Variants in PAX5 observed in about 807,000 individuals in gnomAD.
PAX5 encodes the protein paired box protein Pax-5.
In PAX5, 9 loss-of-function variants were observed where a neutral mutation model predicts 43.7. That is an observed-to-expected ratio of 0.21 (90% CI 0.12 to 0.36). PAX5 has a LOEUF of 0.36. PAX5 is among the 10% of genes least tolerant of loss of function. The probability of loss-of-function intolerance (pLI) is 1.00; values close to 1 mark genes in which losing one functional copy is unlikely to be tolerated. For synonymous variants in PAX5, 228 were observed against 214.3 expected, an observed-to-expected ratio of 1.06 and a Z score of -0.56; for missense variants, 383 against 532.7, an observed-to-expected ratio of 0.72 and a Z score of 2.77.
At chr9:36,864,647 C>T (rs1824649728) in intron 8 of PAX5, among the ~76,000 whole-genome samples, 1 of 152,228 alleles carries the variant, frequency 6.6e-6, no homozygotes, top group Admixed American at 6.5e-5. Flanking sequence ...GCCAGCCTCC[C>T]CCCTCAGCCC....
chr9:36,921,067 C>G (rs1830136409), intron 7 of PAX5, among the ~76,000 whole-genome samples: 1 of 152,142 alleles, frequency 6.6e-6, no homozygotes, highest in Admixed American at 6.5e-5. Context: ...CCCGCCTCGG[C>G]CTCCCAAAGT....
chr9:36,996,193 G>A (rs1180869133), intron 5 of PAX5, among the ~76,000 whole-genome samples: 7 of 152,374 alleles, frequency 4.6e-5, no homozygotes, highest in Non-Finnish European at 7.3e-5. Flanking sequence ...CTGCCATGAC[G>A]GGCCTCACGT....
chr9:36,987,537 C>G (rs189816727), intron 5 of PAX5, among the ~76,000 whole-genome samples: 1 of 152,364 alleles, frequency 6.6e-6, no homozygotes, highest in East Asian at 1.9e-4. Context: ...CGAGGCCCAG[C>G]ATGGGTTGCC....
intron 7 of PAX5, among the ~76,000 whole-genome samples, chr9:36,901,509 G>A (rs1333785742): frequency 6.6e-6 from 1 of 152,124 alleles, no homozygotes; most frequent in African/African-American, 2.4e-5. Flanking sequence ...AGAAACCCAC[G>A]TGCATGATTT....
intron 1 of PAX5, among the ~76,000 whole-genome samples, chr9:37,029,444 G>A (rs1251548528): frequency 6.6e-6 from 1 of 152,222 alleles, no homozygotes; most frequent in African/African-American, 2.4e-5. Flanking sequence ...TGGGGACCCA[G>A]GAGGCTGCAG....
intron 8 of PAX5, among the ~76,000 whole-genome samples, chr9:36,877,422 C>G (rs546428471): frequency 6.6e-6 from 1 of 152,104 alleles, no homozygotes; most frequent in East Asian, 1.9e-4. Flanking sequence ...AAAAACACCC[C>G]GAAGATTTTG....
At chr9:37,023,057 A>T (rs1839991351) in intron 1 of PAX5, among the ~76,000 whole-genome samples, 1 of 152,192 alleles carries the variant, frequency 6.6e-6, no homozygotes, top group East Asian at 1.9e-4. Context: ...GCGAGGCAGG[A>T]CAGGGAAAGA....
rs764438576 is a variant in PAX5 at position 37,020,619 on chromosome 9, C to T, written c.212+17G>A. On this transcript the variant is annotated intron_variant, in intron 2 of 9. Coordinates refer to ENST00000358127, the MANE Select transcript of PAX5 (RefSeq NM_016734.3). The stretch of plus-strand genomic sequence containing the variant: ...TTATTTGAAAGATCAAGGGAAGCCT[C>T]GAGCTACTGCCTTTACCTGCCAAGA... The T allele has an allele frequency of 9.3e-6, 15 of 1,613,434 alleles. No individual in the cohort carries two copies. The African/African-American group carries it at 9.3e-5, about 10-fold the overall frequency.
intron 5 of PAX5, among the ~76,000 whole-genome samples, chr9:36,986,489 C>T (rs1210608641): frequency 6.6e-6 from 1 of 152,082 alleles, no homozygotes; most frequent in Non-Finnish European, 1.5e-5. Flanking sequence ...CCGGCGCGAG[C>T]GGGCGGCCTC....
chr9:36,890,071 A>G (rs1827248506), intron 7 of PAX5, among the ~76,000 whole-genome samples: 1 of 152,070 alleles, frequency 6.6e-6, no homozygotes, highest in African/African-American at 2.4e-5. Flanking sequence ...TCCCAGACAC[A>G]TGACACAGAA....
At chr9:36,897,349 A>C (rs1013045801) in intron 7 of PAX5, among the ~76,000 whole-genome samples, 2 of 152,026 alleles carry the variant, frequency 1.3e-5, no homozygotes, top group Admixed American at 6.6e-5. Flanking sequence ...AGTTTGGGGG[A>C]GGGGTCGATC....
chr9:36,848,918 T>C (rs1459071266), intron 8 of PAX5, among the ~76,000 whole-genome samples: 1 of 152,204 alleles, frequency 6.6e-6, no homozygotes, highest in African/African-American at 2.4e-5. Flanking sequence ...CAGCTCCCAA[T>C]TCCTTCATAG....
At chr9:36,935,746 G>A (rs1038318366) in intron 6 of PAX5, among the ~76,000 whole-genome samples, 2 of 152,310 alleles carry the variant, frequency 1.3e-5, no homozygotes, top group Admixed American at 6.5e-5. Flanking sequence ...TCCACCAAAT[G>A]GGTATCTCCA....
chr9:37,005,434 C>G (rs1039454913), intron 4 of PAX5, among the ~76,000 whole-genome samples: 1 of 152,164 alleles, frequency 6.6e-6, no homozygotes, highest in African/African-American at 2.4e-5. Context: ...TACCTTTATC[C>G]AAAGAGCCAA....
chr9:37,010,363 C>T (rs1838819320), intron 3 of PAX5, among the ~76,000 whole-genome samples: 1 of 152,214 alleles, frequency 6.6e-6, no homozygotes, highest in South Asian at 2.1e-4. Flanking sequence ...GCTCAAATGA[C>T]TTGCCCAGAA....
At chr9:36,840,832 G>A (rs140342734) in intron 9 of PAX5, among the ~76,000 whole-genome samples, 196 bp from the exon 10 acceptor site, 10 of 152,212 alleles carry the variant, frequency 6.6e-5, no homozygotes, top group African/African-American at 1.2e-4. Context: ...GAGGCTCTTC[G>A]CCATCTAGAG....
intron 1 of PAX5, among the ~76,000 whole-genome samples, chr9:37,032,139 C>T (rs1330023295): frequency 6.6e-6 from 1 of 152,192 alleles, no homozygotes; most frequent in Non-Finnish European, 1.5e-5. Context: ...CTTGGCCAGC[C>T]TAGGGCTCCC....
chr9:37,026,403 A>AC (rs1261746722), intron 1 of PAX5: 2 of 795,298 alleles, frequency 2.5e-6, no homozygotes. Context: ...GGATCCCTGC[A>AC]CTTTGCAAAG....
intron 3 of PAX5, among the ~76,000 whole-genome samples, chr9:37,014,305 C>T (rs1039870204): frequency 2.6e-5 from 4 of 152,190 alleles, no homozygotes; most frequent in Non-Finnish European, 5.9e-5. Context: ...GGGTGTTTCT[C>T]TGGTTCTTTC....
Sources: allele counts gnomAD v4.1 joint callset (sites outside exome capture counted in the v4.1 genomes callset), GRCh38; gene constraint gnomAD v4.1.1; transcripts MANE v1.5; gene names NCBI Gene and HGNC (gene_info 2026-07-23, HGNC 2026-07-21).